The following LGR4 variants were observed in gnomAD, a reference collection of about 807,000 sequenced individuals.
LGR4 encodes the protein leucine rich repeat containing G protein-coupled receptor 4.
LGR4 carries 44 observed loss-of-function variants against 84.8 expected under a neutral mutation model. That is an observed-to-expected ratio of 0.52 (90% confidence interval 0.41 to 0.67). The LOEUF (loss-of-function observed/expected upper bound fraction) is 0.67. LGR4 is among the 30% of genes least tolerant of loss of function. The pLI is 0.00. For synonymous variants in LGR4, 429 were observed against 434.3 expected (o/e 0.99, Z 0.15); for missense variants, 1,032 against 1,131.4 (o/e 0.91, Z 1.26).
intron 2 of LGR4, among the ~76,000 whole-genome samples, chr11:27,406,156 T>A (rs905244539): frequency 1.3e-5 from 2 of 152,086 alleles, no homozygotes; most frequent in African/African-American, 4.8e-5. Flanking sequence ...ACTCCCCCTA[T>A]CCCCTCTAGG....
In LGR4 at chr11:27,472,363, A is replaced by G. The variant is rs1864895713; in HGVS notation, c.-61T>C. 2 of 1,159,218 alleles carry G rather than the reference A, an allele frequency of 1.7e-6. No individual in the cohort carries two copies. The highest frequency in any genetic ancestry group is 1.6e-5 in the African/African-American group (1 of 61,936). The allele number at this position is 1,159,218 out of a possible 1,614,324, so 71.8% of individuals were successfully genotyped here. The stretch of plus-strand genomic sequence containing the variant: ...GCGCTGCTCGCTCCGCTGCCCTCCG[A>G]TGTCCCCCGCCGCCCCCGGGCAGCC... On this transcript the variant is annotated 5_prime_UTR_variant, in exon 1 of 18. Transcript: ENST00000379214.
intron 1 of LGR4, among the ~76,000 whole-genome samples, chr11:27,439,906 T>C (rs1311234670): frequency 2.1e-5 from 3 of 145,700 alleles, no homozygotes; most frequent in Admixed American, 1.4e-4. Flanking sequence ...TTTCTCTTTT[T>C]TTTTTTTTTT....
chr11:27,385,097 C>A, intron 5 of LGR4, 156 bp downstream of exon 5: 1 of 520,948 alleles, frequency 1.9e-6, no homozygotes, highest in South Asian at 3.7e-5. Flanking sequence ...TTTAAATTAT[C>A]CTATTCTGTT....
chr11:27,403,971 G>C lies in LGR4; in HGVS notation c.257+8818C>G, dbSNP rs558678532. Among the ~76,000 whole-genome samples the C allele has an allele frequency of 4.6e-5, 7 of 152,212 alleles. No homozygotes were observed. In the South Asian group the frequency reaches 1.5e-3, roughly 32 times the overall value. On this transcript the variant is annotated intron_variant, in intron 2 of 17. Transcript: ENST00000379214. ...GGGGAAAATGATGAACAAATTCTAA[G>C]TCAAAGGTCCTACTAAAGCACATAT...
intron 1 of LGR4, among the ~76,000 whole-genome samples, chr11:27,428,056 G>A (rs920045115): frequency 3.3e-5 from 5 of 151,978 alleles, no homozygotes; most frequent in African/African-American, 9.7e-5. Context: ...GGCAAGAGTC[G>A]GGGGGTGGAA....
intron 10 of LGR4, among the ~76,000 whole-genome samples, chr11:27,379,538 A>G (rs1863051626): frequency 6.6e-6 from 1 of 152,132 alleles, no homozygotes; most frequent in African/African-American, 2.4e-5. Context: ...TGCTTCCCAA[A>G]TTCTTTTTTA....
intron 1 of LGR4, among the ~76,000 whole-genome samples, chr11:27,420,593 C>T (rs1863908806): frequency 6.6e-6 from 1 of 151,876 alleles, no homozygotes; most frequent in South Asian, 2.1e-4. Context: ...ATGTTCATAA[C>T]AATTATTTAG....
At chr11:27,435,488 G>A (rs73448011) in intron 1 of LGR4, among the ~76,000 whole-genome samples, 13,201 of 151,314 alleles carry the variant, frequency 0.087, 1,717 homozygotes, top group African/African-American at 0.29. Context: ...CTGTTCATCA[G>A]CTACTTTTTT....
chr11:27,382,111 C>T, intron 7 of LGR4, 77 bp downstream of exon 7: 3 of 949,468 alleles, frequency 3.2e-6, no homozygotes, highest in Non-Finnish European at 5.1e-6. Flanking sequence ...ACAAGATGTT[C>T]TAAAATCCCA....
At chr11:27,369,203 A>C in intron 17 of LGR4, 60 bp from the exon 18 acceptor site, 1 of 1,318,614 alleles carries the variant, frequency 7.6e-7, no homozygotes, top group Non-Finnish European at 1.0e-6. Context: ...CAATTTAGAA[A>C]ATGATATGGC....
chr11:27,370,146 A>G (rs1378602270), intron 17 of LGR4, among the ~76,000 whole-genome samples: 1 of 152,256 alleles, frequency 6.6e-6, no homozygotes, highest in Non-Finnish European at 1.5e-5. Flanking sequence ...TCTAAAAAAC[A>G]TGTTTTATGA....
chr11:27,427,362 C>T (rs545586632), intron 1 of LGR4, among the ~76,000 whole-genome samples: 1 of 152,038 alleles, frequency 6.6e-6, no homozygotes, highest in Non-Finnish European at 1.5e-5. Context: ...GCCTCCGAAA[C>T]GAAAGAACAG....
chr11:27,462,148 T>TC (rs1443786762), intron 1 of LGR4, among the ~76,000 whole-genome samples: 1 of 152,170 alleles, frequency 6.6e-6, no homozygotes, highest in Non-Finnish European at 1.5e-5. Context: ...GTTAGGACTT[T>TC]TAATGAAAGT....
At chr11:27,413,150 G>A (rs1198646275) in intron 1 of LGR4, among the ~76,000 whole-genome samples, 1 of 152,052 alleles carries the variant, frequency 6.6e-6, no homozygotes, top group African/African-American at 2.4e-5. Flanking sequence ...GGGCCAGGGT[G>A]GCTTCCCAGT....
chr11:27,371,060 G>T (rs1015434261), intron 17 of LGR4, among the ~76,000 whole-genome samples: 4 of 152,226 alleles, frequency 2.6e-5, no homozygotes, highest in Admixed American at 6.5e-5. Flanking sequence ...ATTATCCTGT[G>T]ATATTATACC....
At position 27,472,681 on chromosome 11, in the gene LGR4, GC is replaced by G; in HGVS notation, c.-380del. On this transcript the variant is annotated 5_prime_UTR_variant, in exon 1 of 18. Coordinates refer to ENST00000379214, the MANE Select transcript of LGR4 (RefSeq NM_018490.5). ...CAGCCTTCAGCCATGCCGGCCACTC[GC>G]CCCAGCCCCCGCCGTGGCTCTCGCA... is the stretch of plus-strand genomic sequence containing the variant. The G allele has an allele frequency of 2.8e-6, 1 of 359,144 alleles. No individual in the cohort carries two copies. Among genetic ancestry groups the G allele is most frequent in the Non-Finnish European group, 5.0e-6 (1 of 201,174 alleles). The allele number at this position is 359,144 out of a possible 1,614,324, so 22.2% of individuals were successfully genotyped here. A position where few individuals can be genotyped will look rare whatever the true frequency, so the allele number is the denominator to read the frequency against.
At chr11:27,431,170 A>G (rs1864110412) in intron 1 of LGR4, among the ~76,000 whole-genome samples, 1 of 152,098 alleles carries the variant, frequency 6.6e-6, no homozygotes, top group African/African-American at 2.4e-5. Context: ...AACTTTCTTC[A>G]GCATTAACCA....
intron 2 of LGR4, among the ~76,000 whole-genome samples, chr11:27,406,918 A>G (rs1485914394): frequency 6.6e-6 from 1 of 152,182 alleles, no homozygotes; most frequent in African/African-American, 2.4e-5. Flanking sequence ...TTTAGTTTGG[A>G]AGCAAAGGGA....
At chr11:27,430,428 A>C (rs1864096292) in intron 1 of LGR4, among the ~76,000 whole-genome samples, 1 of 152,170 alleles carries the variant, frequency 6.6e-6, no homozygotes. Flanking sequence ...AGGGGAATGG[A>C]GGAGGTGGAG....
Sources: gnomAD v4.1 joint callset for allele counts (sites outside exome capture counted in the v4.1 genomes callset) on GRCh38, gnomAD v4.1.1 for gene constraint, MANE v1.5 for transcripts, NCBI Gene and HGNC (gene_info 2026-07-23, HGNC 2026-07-21) for gene names.